Variants in STAB2 observed in about 807,000 individuals in gnomAD.
STAB2 encodes stabilin 2.
A neutral mutation model predicts 338.1 loss-of-function variants in STAB2; 288 were observed. That is an observed-to-expected ratio of 0.85 (90% confidence interval 0.77 to 0.94). The LOEUF is 0.94. STAB2 is among the 40% of genes least tolerant of loss of function. The pLI is 0.00. For missense variants in STAB2, 3,141 were observed against 3,210.1 expected (o/e 0.98, Z 0.52); for synonymous variants, 1,202 against 1,193.3 (o/e 1.01, Z -0.15).
At chr12:103,673,843 C>T in intron 22 of STAB2, 64 bp from the exon 23 acceptor site, 1 of 1,543,770 alleles carries the variant, frequency 6.5e-7, no homozygotes, top group Non-Finnish European at 8.8e-7. Flanking sequence ...CTCCAGGGTG[C>T]TCTGCCTCAG....
chr12:103,615,470 G>T (rs535257366), intron 3 of STAB2, among the ~76,000 whole-genome samples: 2 of 152,296 alleles, frequency 1.3e-5, no homozygotes, highest in East Asian at 1.9e-4. Flanking sequence ...TTAAAGGAGT[G>T]GGCCTGCCCT....
chr12:103,681,704 C>A (rs373104646), intron 25 of STAB2, among the ~76,000 whole-genome samples: 3 of 149,614 alleles, frequency 2.0e-5, no homozygotes, highest in Non-Finnish European at 4.4e-5. Flanking sequence ...TCACTACAAC[C>A]TCCACCTCCC....
At chr12:103,639,233 A>G (rs1957600175) in intron 8 of STAB2, among the ~76,000 whole-genome samples, 1 of 152,200 alleles carries the variant, frequency 6.6e-6, no homozygotes, top group Non-Finnish European at 1.5e-5. Flanking sequence ...GAAATTCTCC[A>G]TTGTTCACAC....
At chr12:103,612,515 G>T (rs1957140851) in intron 3 of STAB2, among the ~76,000 whole-genome samples, 2 of 152,152 alleles carry the variant, frequency 1.3e-5, no homozygotes. Context: ...CGTAGTTCTT[G>T]TGCCATAGTT....
At chr12:103,727,905 G>A (rs1881337275) in intron 47 of STAB2, among the ~76,000 whole-genome samples, 1 of 152,082 alleles carries the variant, frequency 6.6e-6, no homozygotes, top group Non-Finnish European at 1.5e-5. Context: ...AATACTGAGG[G>A]AAGTAGCTTT....
At chr12:103,750,405 A>G (rs551026864) in intron 59 of STAB2, among the ~76,000 whole-genome samples, 174 bp from the exon 60 acceptor site, 2 of 152,234 alleles carry the variant, frequency 1.3e-5, no homozygotes, top group Non-Finnish European at 2.9e-5. Flanking sequence ...ATGAGGTTTC[A>G]TCATAAGCCT....
chr12:103,764,927 A>C (rs993887017), intron 68 of STAB2, among the ~76,000 whole-genome samples: 4 of 140,664 alleles, frequency 2.8e-5, no homozygotes, highest in Non-Finnish European at 6.2e-5. Flanking sequence ...GTGAAATCCC[A>C]TGTCTACTAA....
At chr12:103,635,977 G>A (rs574473416) in intron 6 of STAB2, among the ~76,000 whole-genome samples, 3 of 152,302 alleles carry the variant, frequency 2.0e-5, no homozygotes, top group South Asian at 2.1e-4. Context: ...AAGGTTATAC[G>A]TTGGGTACTT....
chr12:103,763,300 A>G, intron 67 of STAB2, 192 bp from the exon 68 acceptor site: 1 of 610,028 alleles, frequency 1.6e-6, no homozygotes, highest in Admixed American at 2.5e-5. Flanking sequence ...ATGGGCAGAC[A>G]TCGGTAAGAT....
chr12:103,635,004 G>A (rs538055962), intron 6 of STAB2, among the ~76,000 whole-genome samples: 8 of 152,316 alleles, frequency 5.3e-5, no homozygotes, highest in African/African-American at 1.4e-4. Context: ...CCAAAACTTC[G>A]GGTTTATGGA....
At chr12:103,695,705 C>T (rs963441245) in intron 32 of STAB2, 32 bp from the exon 33 acceptor site, 11 of 1,614,040 alleles carry the variant, frequency 6.8e-6, no homozygotes, top group Non-Finnish European at 9.3e-6. Flanking sequence ...GAACAGGAAT[C>T]CCTCATGCAC....
At chr12:103,666,557 G>A (rs1205743624) in intron 19 of STAB2, among the ~76,000 whole-genome samples, 2 of 152,242 alleles carry the variant, frequency 1.3e-5, no homozygotes, top group East Asian at 3.8e-4. Flanking sequence ...CCCTAGAGAA[G>A]TCGTTTAACC....
chr12:103,664,746 C>G (rs1874925406), intron 18 of STAB2, among the ~76,000 whole-genome samples: 1 of 152,156 alleles, frequency 6.6e-6, no homozygotes, highest in South Asian at 2.1e-4. Context: ...TCTTTTAATT[C>G]TAGATATTTT....
intron 43 of STAB2, among the ~76,000 whole-genome samples, chr12:103,716,697 TGGG>T (rs1566042712): frequency 6.6e-6 from 1 of 152,192 alleles, no homozygotes; most frequent in Non-Finnish European, 1.5e-5. Context: ...CATTTAGTCA[TGGG>T]GGAATTCGGA....
At position 103,703,150 on chromosome 12, in the gene STAB2, C is replaced by T. The variant is rs1390943013; in HGVS notation, c.3717C>T (p.Leu1239=). 2 of 1,613,062 alleles carry T rather than the reference C, an allele frequency of 1.2e-6. No homozygotes were observed. Among genetic ancestry groups the T allele is most frequent in the African/African-American group, 1.3e-5 (1 of 74,882 alleles). Residue 1239 remains leucine, a splice_region_variant and synonymous_variant, in exon 35 of 69, where the codon CTC becomes CTT. Transcript: ENST00000388887. ...FLSFFLHNDQ[L]YVNEAPINYT... is the part of the protein sequence containing the mutation. ...ACATTTAACCCTGTTGTTCACAGCT[C>T]TATGTAAATGAGGCTCCAATAAACT... is the stretch of plus-strand genomic sequence containing the variant.
At chr12:103,750,743 G>A in intron 60 of STAB2, 23 bp downstream of exon 60, 1 of 1,600,550 alleles carries the variant, frequency 6.2e-7, no homozygotes, top group Non-Finnish European at 8.5e-7. Flanking sequence ...AGGGCCTATG[G>A]CCCAAAGCAC....
intron 6 of STAB2, among the ~76,000 whole-genome samples, chr12:103,633,094 A>C (rs1957489764): frequency 1.3e-5 from 2 of 152,212 alleles, no homozygotes; most frequent in Non-Finnish European, 1.5e-5. Context: ...TGCAAAGGCA[A>C]GTGGGTAGGA....
At chr12:103,728,108 TGAG>T (rs1881353796) in intron 47 of STAB2, among the ~76,000 whole-genome samples, 1 of 152,198 alleles carries the variant, frequency 6.6e-6, no homozygotes, top group African/African-American at 2.4e-5. Context: ...TATGAAACAA[TGAG>T]AATTTTGTGG....
intron 24 of STAB2, among the ~76,000 whole-genome samples, 165 bp downstream of exon 24, chr12:103,676,186 C>T (rs1481441608): frequency 1.1e-4 from 16 of 151,708 alleles, no homozygotes; most frequent in African/African-American, 3.1e-4. Flanking sequence ...CTCAGCCTCC[C>T]GAGTAGCTGG....
Sources: gnomAD v4.1 joint callset for allele counts (sites outside exome capture counted in the v4.1 genomes callset) on GRCh38, gnomAD v4.1.1 for gene constraint, MANE v1.5 for transcripts, NCBI Gene and HGNC (gene_info 2026-07-23, HGNC 2026-07-21) for gene names.